SLC35F4: variants seen among roughly 807,000 people sequenced by gnomAD.
The protein encoded by SLC35F4 is chromosome 14 open reading frame 36.
In SLC35F4, 24 loss-of-function variants were observed where a neutral mutation model predicts 44.2. The observed-to-expected ratio is 0.54, with a 90% CI of 0.39 to 0.76. The LOEUF is 0.76. Ranked by LOEUF, SLC35F4 falls within the 30% of genes least tolerant of loss-of-function variation. SLC35F4 has a pLI of 0.00. For missense variants in SLC35F4, 562 were observed against 586.1 expected, an observed-to-expected ratio of 0.96 and a Z score of 0.42; for synonymous variants, 238 against 223.6, an observed-to-expected ratio of 1.06 and a Z score of -0.57.
intron 1 of SLC35F4, among the ~76,000 whole-genome samples, chr14:57,776,691 T>TAAAAAAAAAAAAAAAAAAAAA (rs2077498893): frequency 5.5e-5 from 7 of 126,578 alleles, no homozygotes; most frequent in African/African-American, 2.1e-4. Flanking sequence ...AAAAAAAAAT[T>TAAAAAAAAAAAAAAAAAAAAA]AAAGGCAGCT....
At chr14:57,968,391 TC>T (rs1274268942) in intron 1 of SLC35F4, among the ~76,000 whole-genome samples, 1 of 152,208 alleles carries the variant, frequency 6.6e-6, no homozygotes. Context: ...TCTACCTCAC[TC>T]TTTTTACCTG....
intron 1 of SLC35F4, among the ~76,000 whole-genome samples, chr14:57,730,296 T>C (rs1183807046): frequency 6.6e-6 from 1 of 152,196 alleles, no homozygotes; most frequent in Non-Finnish European, 1.5e-5. Flanking sequence ...CCACCATCTT[T>C]CTCCATCTTC....
chr14:57,841,811 T>A (rs1056161146), intron 1 of SLC35F4, among the ~76,000 whole-genome samples: 1 of 152,154 alleles, frequency 6.6e-6, no homozygotes, highest in East Asian at 1.9e-4. Flanking sequence ...AAACCTGGTA[T>A]ATGACTCTAC....
chr14:57,698,717 G>A (rs1326081726), intron 1 of SLC35F4, among the ~76,000 whole-genome samples: 7 of 150,508 alleles, frequency 4.7e-5, no homozygotes, highest in Non-Finnish European at 4.4e-5. Flanking sequence ...GGCTCACTGC[G>A]ACCTCTACCT....
intron 1 of SLC35F4, among the ~76,000 whole-genome samples, chr14:57,970,516 T>C (rs1881021866): frequency 1.3e-5 from 2 of 152,168 alleles, no homozygotes; most frequent in Admixed American, 1.3e-4. Context: ...GTACTATTTT[T>C]TTGTTATGAA....
intron 1 of SLC35F4, among the ~76,000 whole-genome samples, chr14:57,793,993 A>G (rs1566859995): frequency 6.6e-6 from 1 of 152,176 alleles, no homozygotes; most frequent in Non-Finnish European, 1.5e-5. Context: ...TGGTGCTGGG[A>G]AAATTGTAGA....
intron 1 of SLC35F4, among the ~76,000 whole-genome samples, chr14:57,766,833 C>G (rs1184408259): frequency 6.6e-6 from 1 of 152,082 alleles, no homozygotes; most frequent in African/African-American, 2.4e-5. Flanking sequence ...TCAATAATTA[C>G]CTTAAATGTA....
At chr14:57,797,795 T>C (rs2041180704) in intron 1 of SLC35F4, among the ~76,000 whole-genome samples, 1 of 152,182 alleles carries the variant, frequency 6.6e-6, no homozygotes, top group Admixed American at 6.5e-5. Flanking sequence ...GTCACTCCCC[T>C]GTAATAGTTT....
At chr14:57,740,786 T>C (rs1047683997) in intron 1 of SLC35F4, among the ~76,000 whole-genome samples, 1 of 152,170 alleles carries the variant, frequency 6.6e-6, no homozygotes, top group Non-Finnish European at 1.5e-5. Flanking sequence ...TACGCACCAA[T>C]AAAAATGCTT....
At chr14:57,676,365 A>T (rs1265736645) in intron 1 of SLC35F4, among the ~76,000 whole-genome samples, 1 of 151,982 alleles carries the variant, frequency 6.6e-6, no homozygotes, top group Non-Finnish European at 1.5e-5. Flanking sequence ...TCACTTATAA[A>T]TGGGAGCTGA....
chr14:57,585,240 C>CACAT (rs2069615511), intron 3 of SLC35F4, among the ~76,000 whole-genome samples: 1 of 152,000 alleles, frequency 6.6e-6, no homozygotes, highest in Non-Finnish European at 1.5e-5. Flanking sequence ...GGCCAAAAAC[C>CACAT]GCATGATTAT....
rs113585728 is a variant in SLC35F4 at position 57,938,305 on chromosome 14, T to C, written n.282+43608A>G. 9.4e-3 allele frequency among the ~76,000 whole-genome samples: 1,432 copies of C among 151,862 alleles called. 26 individuals carry two copies. Among genetic ancestry groups the C allele is most frequent in the African/African-American group, 0.032 (1,344 of 41,398 alleles). ...AAAAACAAAGGGGTAATATAAGAAG[T>C]AGTGTTCAGTCACAAAGGGGAAGAA... On this transcript the variant is annotated intron_variant and non_coding_transcript_variant, in intron 1 of 1. Transcript: ENST00000556568.
At chr14:57,929,058 A>T (rs944723672) in intron 1 of SLC35F4, among the ~76,000 whole-genome samples, 1 of 152,204 alleles carries the variant, frequency 6.6e-6, no homozygotes, top group South Asian at 2.1e-4. Context: ...CCAGGGAAAA[A>T]GTATTGAAAT....
chr14:57,580,493 A>G (rs1262198870), intron 4 of SLC35F4: 7 of 379,618 alleles, frequency 1.8e-5, no homozygotes, highest in Non-Finnish European at 3.5e-5. Context: ...ATGCCGGATT[A>G]TATGAATGAG....
intron 1 of SLC35F4, among the ~76,000 whole-genome samples, chr14:57,898,296 C>T (rs980210254): frequency 2.0e-5 from 3 of 152,212 alleles, no homozygotes; most frequent in Admixed American, 6.5e-5. Context: ...TGTTTATATG[C>T]TATGGCACCA....
chr14:57,913,447 C>T (rs116739566), intron 1 of SLC35F4, among the ~76,000 whole-genome samples: 41 of 151,776 alleles, frequency 2.7e-4, no homozygotes, highest in African/African-American at 9.2e-4. Context: ...TTTTTTTCAA[C>T]GTTTTTTAGT....
intron 1 of SLC35F4, among the ~76,000 whole-genome samples, chr14:57,621,608 A>G (rs36181827): frequency 6.6e-6 from 1 of 152,262 alleles, no homozygotes. Context: ...AAAACTGGCT[A>G]GCCATATGTA....
At chr14:57,929,810 C>G (rs1280901988) in intron 1 of SLC35F4, among the ~76,000 whole-genome samples, 1 of 152,208 alleles carries the variant, frequency 6.6e-6, no homozygotes, top group East Asian at 1.9e-4. Flanking sequence ...TCCCCTCAGT[C>G]AGCATAGGGC....
chr14:57,569,041 C>A (rs1403252859), intron 6 of SLC35F4, among the ~76,000 whole-genome samples: 1 of 152,068 alleles, frequency 6.6e-6, no homozygotes, highest in African/African-American at 2.4e-5. Flanking sequence ...AAGCAGCCAG[C>A]CTCAGAGTTA....
Sources: gnomAD v4.1 joint callset for allele counts (sites outside exome capture counted in the v4.1 genomes callset) on GRCh38, gnomAD v4.1.1 for gene constraint, MANE v1.5 for transcripts, NCBI Gene and HGNC (gene_info 2026-07-23, HGNC 2026-07-21) for gene names.